Variants in ATP2B4 observed in about 807,000 individuals in gnomAD.
ATP2B4 encodes the protein plasma membrane calcium-transporting ATPase 4.
Under a neutral mutation model 110.3 loss-of-function variants are expected in ATP2B4, and 39 were observed. The observed-to-expected ratio is 0.35, with a 90% CI of 0.27 to 0.46. The LOEUF is 0.46. ATP2B4 is among the 20% of genes least tolerant of loss of function. ATP2B4 has a pLI of 1.00. For synonymous variants in ATP2B4, 538 were observed against 571.7 expected (o/e 0.94, Z 0.84); for missense variants, 1,135 against 1,530.9 (o/e 0.74, Z 4.32).
chr1:203,686,116 T>G (rs893238468), intron 2 of ATP2B4, among the ~76,000 whole-genome samples: 1 of 152,234 alleles, frequency 6.6e-6, no homozygotes, highest in African/African-American at 2.4e-5. Flanking sequence ...CTCTGTCTAC[T>G]TCTTGCCAGC....
At chr1:203,715,035 G>T (rs1002220537) in intron 15 of ATP2B4, among the ~76,000 whole-genome samples, 1 of 152,088 alleles carries the variant, frequency 6.6e-6, no homozygotes, top group Non-Finnish European at 1.5e-5. Flanking sequence ...TCTTGTTTCA[G>T]TGATTCCCCC....
chr1:203,641,974 T>A (rs912020996), intron 1 of ATP2B4, among the ~76,000 whole-genome samples: 1 of 152,212 alleles, frequency 6.6e-6, no homozygotes, highest in Non-Finnish European at 1.5e-5. Flanking sequence ...GGCTTCCCAA[T>A]GTCAGAGGGA....
rs1328958825 is a variant in ATP2B4, at chr1:203,741,143, C to G, written c.*1289C>G. ...CAACTTTTCCAGTCTCTGAGAAGGT[C>G]CCAGCCTTTCTCAAATATTCTGATT... On this transcript the variant is annotated 3_prime_UTR_variant, in exon 21 of 21. Transcript: ENST00000357681. The G allele has an allele frequency of 6.6e-6, 1 of 152,486 alleles. No individual in the cohort carries two copies. Among genetic ancestry groups the G allele is most frequent in the Non-Finnish European group, 1.5e-5 (1 of 68,046 alleles). The allele number at this position is 152,486 out of a possible 1,614,324, so 9.4% of individuals were successfully genotyped here.
At chr1:203,700,722 A>T in intron 5 of ATP2B4, 76 bp from the exon 6 acceptor site, 5 of 1,575,322 alleles carry the variant, frequency 3.2e-6, no homozygotes, top group Admixed American at 3.4e-5. Context: ...TTTTTCTTCT[A>T]AGTTTGTGTT....
At chr1:203,664,363 C>T (rs752311450) in intron 1 of ATP2B4, among the ~76,000 whole-genome samples, 8 of 152,168 alleles carry the variant, frequency 5.3e-5, no homozygotes, top group Non-Finnish European at 8.8e-5. Flanking sequence ...GCCAGAGGCA[C>T]GGGGAGGCTC....
rs1353443842 is a variant in ATP2B4 at position 203,721,208 on chromosome 1, G to A, written c.2610G>A (p.Leu870=). 6.2e-7 allele frequency: 1 copy of A among 1,614,164 alleles called. No individual in the cohort carries two copies. The highest frequency in any genetic ancestry group is 1.7e-5 in the Admixed American group (1 of 60,026). The change falls in exon 17 of 21, where the codon TTG becomes TTA. Residue 870 remains leucine (L), a synonymous_variant. Coordinates refer to ENST00000357681, the MANE Select transcript of ATP2B4 (RefSeq NM_001684.5). ...CTTCTCCCCGCCAGGATTCCCCATT[G>A]AAAGCTGTGCAGATGTTGTGGGTTA... is the stretch of plus-strand genomic sequence containing the variant. ...TGACITQDSP[L]KAVQMLWVNL...
chr1:203,650,977 T>C (rs889057896), intron 1 of ATP2B4, among the ~76,000 whole-genome samples: 6 of 152,246 alleles, frequency 3.9e-5, no homozygotes, highest in African/African-American at 1.4e-4. Flanking sequence ...TCTCACTGTG[T>C]TGCCCAGGCT....
chr1:203,674,475 T>A (rs188998170), intron 1 of ATP2B4, among the ~76,000 whole-genome samples: 1 of 125,568 alleles, frequency 8.0e-6, no homozygotes, highest in Admixed American at 8.5e-5. Context: ...CCCTTTCTCA[T>A]CTTGATAATT....
chr1:203,701,492 C>T (rs1353624828), intron 6 of ATP2B4, among the ~76,000 whole-genome samples: 1 of 152,212 alleles, frequency 6.6e-6, no homozygotes, highest in African/African-American at 2.4e-5. Context: ...CTACACGTTT[C>T]CCTAAGCATT....
chr1:203,660,684 A>T (rs1664311636), intron 1 of ATP2B4, among the ~76,000 whole-genome samples: 1 of 152,070 alleles, frequency 6.6e-6, no homozygotes, highest in Non-Finnish European at 1.5e-5. Flanking sequence ...CTGTAATCCC[A>T]GCTACTTGGG....
intron 1 of ATP2B4, among the ~76,000 whole-genome samples, chr1:203,661,432 A>T (rs970931701): frequency 5.9e-5 from 9 of 152,180 alleles, no homozygotes; most frequent in African/African-American, 2.2e-4. Flanking sequence ...TGAGATACTA[A>T]TACAGAGTGA....
intron 1 of ATP2B4, among the ~76,000 whole-genome samples, chr1:203,647,944 TA>T (rs970215818): frequency 2.0e-5 from 3 of 152,152 alleles, no homozygotes; most frequent in Non-Finnish European, 4.4e-5. Flanking sequence ...TACTTTCCTC[TA>T]TGTGTCTGGA....
intron 20 of ATP2B4, chr1:203,729,798 A>G: frequency 7.6e-7 from 1 of 1,311,328 alleles, no homozygotes; most frequent in Non-Finnish European, 1.0e-6. Flanking sequence ...GGAGCTCACC[A>G]GAAGGTGCTT....
intron 20 of ATP2B4, among the ~76,000 whole-genome samples, chr1:203,729,147 C>T (rs1422797838): frequency 6.6e-6 from 1 of 151,992 alleles, no homozygotes; most frequent in Non-Finnish European, 1.5e-5. Flanking sequence ...AGAAGTTCCC[C>T]AGTCAATCCC....
chr1:203,680,378 G>A (rs1363725279), intron 1 of ATP2B4, among the ~76,000 whole-genome samples: 1 of 152,122 alleles, frequency 6.6e-6, no homozygotes, highest in East Asian at 1.9e-4. Context: ...GGGAGGCCGA[G>A]GCGTGCGGAT....
intron 2 of ATP2B4, among the ~76,000 whole-genome samples, chr1:203,696,004 T>C (rs1387413181): frequency 1.3e-5 from 2 of 152,186 alleles, no homozygotes; most frequent in African/African-American, 2.4e-5. Context: ...CTCAGCTCAC[T>C]GCAACCTCTG....
At chr1:203,711,222 T>G (rs558538491) in intron 12 of ATP2B4, 114 bp downstream of exon 12, 1 of 947,260 alleles carries the variant, frequency 1.1e-6, no homozygotes, top group East Asian at 2.6e-5. Context: ...GATAGAAGTT[T>G]CTGTGCTTCC....
At chr1:203,680,060 C>CAAAAA (rs71145014) in intron 1 of ATP2B4, among the ~76,000 whole-genome samples, 1 of 120,654 alleles carries the variant, frequency 8.3e-6, no homozygotes, top group African/African-American at 3.1e-5. Context: ...GACTCTTTCT[C>CAAAAA]AAAAAAAAAA....
rs910741059 is a variant in ATP2B4 at position 203,741,711 on chromosome 1, T to C, written c.*1857T>C. The C allele has an allele frequency of 6.6e-6, 1 of 152,596 alleles. No individual in the cohort carries two copies. Among genetic ancestry groups the C allele is most frequent in the African/African-American group, 2.4e-5 (1 of 41,452 alleles). The allele number at this position is 152,596 out of a possible 1,614,324, so 9.5% of individuals were successfully genotyped here. A position where few individuals can be genotyped will look rare whatever the true frequency, so the allele number is the denominator to read the frequency against. On this transcript the variant is annotated 3_prime_UTR_variant, in exon 21 of 21. Coordinates refer to ENST00000357681, the MANE Select transcript of ATP2B4 (RefSeq NM_001684.5). ...AAACAATGTCCCCTACATATCCCCA[T>C]GACTACATAATCCATCATCGTAGGA...
Sources: gnomAD v4.1 joint callset for allele counts (sites outside exome capture counted in the v4.1 genomes callset) on GRCh38, gnomAD v4.1.1 for gene constraint, MANE v1.5 for transcripts, NCBI Gene and HGNC (gene_info 2026-07-23, HGNC 2026-07-21) for gene names.